PSMF1: variants seen among roughly 807,000 people sequenced by gnomAD.
PSMF1 encodes the protein proteasome inhibitor PI31 subunit.
In PSMF1, 30 loss-of-function variants were observed where a neutral mutation model predicts 29.3. The observed-to-expected ratio is 1.02, with a 90% CI of 0.77 to 1.39. The LOEUF is 1.39. PSMF1 is among the 40% of genes most tolerant of loss of function. PSMF1 has a pLI of 0.00. For missense variants in PSMF1, 344 were observed against 357.5 expected, an observed-to-expected ratio of 0.96 and a Z score of 0.31; for synonymous variants, 134 against 139.7, an observed-to-expected ratio of 0.96 and a Z score of 0.29.
intron 4 of PSMF1, among the ~76,000 whole-genome samples, chr20:1,154,265 T>G (rs1197598047): frequency 6.6e-6 from 1 of 152,248 alleles, no homozygotes; most frequent in East Asian, 1.9e-4. Context: ...CTTTACAATT[T>G]TTAGCATAAT....
At chr20:1,115,857 C>T (rs1600133166), upstream of PSMF1, among the ~76,000 whole-genome samples, 2 of 151,846 alleles carry the variant, frequency 1.3e-5, no homozygotes, top group Non-Finnish European at 2.9e-5. Flanking sequence ...CTCAGCCTCC[C>T]GAATAGCTGG....
rs1377868918 is a variant in PSMF1, at chr20:1,164,592, C to G, written c.764+116C>G. The G allele has an allele frequency of 2.1e-6, 3 of 1,398,734 alleles. No individual in the cohort carries two copies. Among genetic ancestry groups the G allele is most frequent in the Non-Finnish European group, 2.9e-6 (3 of 1,021,304 alleles). The allele number at this position is 1,398,734 out of a possible 1,614,324, so 86.6% of individuals were successfully genotyped here. ...GAGCTGCCGCTGCCTTCACCTGTTG[C>G]TGCCAGGAGAGTGGAGCCTCCTCCA... On this transcript the variant is annotated intron_variant, in intron 6 of 6. Transcript: ENST00000335877. The surrounding 1 kb of genome is among the most constrained non-coding windows in gnomAD (Gnocchi z 4.1).
intron 2 of PSMF1, chr20:1,125,940 C>A (rs768987745): frequency 1.8e-6 from 1 of 549,518 alleles, no homozygotes; most frequent in Admixed American, 2.1e-5. Context: ...TTAGGTAACC[C>A]CAATGGGCTA....
intron 4 of PSMF1, among the ~76,000 whole-genome samples, chr20:1,149,429 A>C (rs2086497809): frequency 6.6e-6 from 1 of 152,230 alleles, no homozygotes; most frequent in African/African-American, 2.4e-5. Context: ...ATTCACTGAG[A>C]TATGCAGATC....
rs1463430706 is a variant in PSMF1, at chr20:1,163,165, A to G, written c.587A>G (p.Glu196Gly). ...DPLGPFVVGG[E>G]DLDPFGPRRG... ...CTGGGCCCGTTTGTTGTCGGGGGAG[A>G]AGACTTAGACCCTTTTGGGTGAGTA... Residue 196 changes from glutamate (E) to glycine (G), a missense_variant, in exon 5 of 7, where the codon GAA becomes GGA. Physicochemically the swap from Glu to Gly is moderately conservative, Grantham distance 98. Transcript: ENST00000335877. The surrounding 1 kb of genome is among the most constrained non-coding windows in gnomAD (Gnocchi z 6.1). The G allele has an allele frequency of 1.9e-6, 3 of 1,613,998 alleles. No individual in the cohort carries two copies. Among genetic ancestry groups the G allele is most frequent in the Non-Finnish European group, 2.5e-6 (3 of 1,180,000 alleles).
intron 4 of PSMF1, chr20:1,161,027 A>G (rs889538497): frequency 1.1e-4 from 43 of 390,834 alleles, no homozygotes; most frequent in African/African-American, 8.8e-4. Flanking sequence ...CACCACTGGC[A>G]TTGTCATGGA....
intron 3 of PSMF1, among the ~76,000 whole-genome samples, chr20:1,128,084 T>C (rs1448244593): frequency 2.0e-5 from 3 of 152,212 alleles, no homozygotes; most frequent in African/African-American, 4.8e-5. Context: ...CAGATGAGAA[T>C]GTGTGTCTAT....
chr20:1,144,949 G>A (rs1274729237), intron 4 of PSMF1, among the ~76,000 whole-genome samples: 4 of 151,918 alleles, frequency 2.6e-5, no homozygotes, highest in Non-Finnish European at 4.4e-5. Flanking sequence ...GCAGTGGTGC[G>A]ATCTCGGCTC....
intron 6 of PSMF1, 21 bp from the exon 7 acceptor site, chr20:1,165,008 C>A: frequency 2.5e-6 from 4 of 1,598,462 alleles, no homozygotes; most frequent in Middle Eastern, 1.7e-4. Flanking sequence ...TCCAACTCAT[C>A]AGCCCCTCTT....
chr20:1,146,135 TA>T (rs2086446293), intron 4 of PSMF1, among the ~76,000 whole-genome samples: 1 of 152,172 alleles, frequency 6.6e-6, no homozygotes, highest in Non-Finnish European at 1.5e-5. Flanking sequence ...GTTAGAGAGA[TA>T]ATTGCTGTTA....
intron 4 of PSMF1, chr20:1,160,825 G>T: frequency 2.2e-6 from 1 of 460,074 alleles, no homozygotes. Context: ...AGCTGGGAAG[G>T]CATGGAGAAG....
Position 1,163,193 on chromosome 20 carries a change from G to A in PSMF1, c.605+10G>A. The A allele has an allele frequency of 6.2e-7, 1 of 1,613,992 alleles. No homozygotes were observed. Among genetic ancestry groups the A allele is most frequent in the South Asian group, 1.1e-5 (1 of 91,070 alleles). On this transcript the variant is annotated intron_variant, in intron 5 of 6. Transcript: ENST00000335877. The surrounding 1 kb of genome is among the most constrained non-coding windows in gnomAD (Gnocchi z 6.1). ...ACTTAGACCCTTTTGGGTGAGTACT[G>A]CTGGGGAGGTGGCAGCAACACAACT... is the stretch of plus-strand genomic sequence containing the variant.
At chr20:1,159,011 G>C (rs1184131055) in intron 4 of PSMF1, among the ~76,000 whole-genome samples, 1 of 151,210 alleles carries the variant, frequency 6.6e-6, no homozygotes, top group African/African-American at 2.4e-5. Flanking sequence ...AGCTGAGATT[G>C]TGCCACTGTA....
In PSMF1 at chr20:1,164,486, C is replaced by T; in HGVS notation, c.764+10C>T. 2 of 1,613,972 alleles carry T rather than the reference C, an allele frequency of 1.2e-6. No homozygotes were observed. The highest frequency in any genetic ancestry group is 1.7e-4 in the Middle Eastern group (1 of 6,052). On this transcript the variant is annotated intron_variant, in intron 6 of 6. Coordinates refer to ENST00000335877, the MANE Select transcript of PSMF1 (RefSeq NM_006814.5). The surrounding 1 kb of genome is among the most constrained non-coding windows in gnomAD (Gnocchi z 4.1). ...GGACCAGCCCACCCGGGTACGTAGTCACTCAGGTATGCTGAGAAGTAGGAC... is the reference window on the plus strand; with the variant it reads ...GGACCAGCCCACCCGGGTACGTAGTTACTCAGGTATGCTGAGAAGTAGGAC...
chr20:1,136,445 G>A (rs2086307742), intron 4 of PSMF1, among the ~76,000 whole-genome samples: 1 of 152,172 alleles, frequency 6.6e-6, no homozygotes, highest in African/African-American at 2.4e-5. Flanking sequence ...TAGACCTAAA[G>A]TAAATAGTAA....
intron 4 of PSMF1, chr20:1,161,600 T>C: frequency 1.5e-6 from 1 of 656,984 alleles, no homozygotes; most frequent in Non-Finnish European, 2.8e-6. Flanking sequence ...GATCAGCAGC[T>C]CCATCCTGGC....
chr20:1,119,720 CTTCT>C (rs1165311002), intron 1 of PSMF1, among the ~76,000 whole-genome samples: 1 of 152,172 alleles, frequency 6.6e-6, no homozygotes, highest in Non-Finnish European at 1.5e-5. Flanking sequence ...CTCTGGCATT[CTTCT>C]TTCTTTCCTG....
rs1422581766 is a variant in PSMF1 at position 1,163,109 on chromosome 20, A to C, written c.552-21A>C. 5.0e-6 allele frequency: 8 copies of C among 1,613,646 alleles called. No individual in the cohort carries two copies. Among genetic ancestry groups the C allele is most frequent in the Non-Finnish European group, 6.8e-6 (8 of 1,179,840 alleles). On this transcript the variant is annotated intron_variant, in intron 4 of 6. Transcript: ENST00000335877. The surrounding 1 kb of genome is among the most constrained non-coding windows in gnomAD (Gnocchi z 6.1). ...CCTGGCTGCTCTGGGACTTGCAGTA[A>C]TTGTCTCTTGTTTGTTTCAGGTGTG...
intron 4 of PSMF1, among the ~76,000 whole-genome samples, chr20:1,153,080 T>G (rs145308254): frequency 2.0e-5 from 3 of 152,212 alleles, no homozygotes; most frequent in African/African-American, 7.2e-5. Context: ...TCCCTATCCT[T>G]ACCAATGCTG....
Sources: allele counts gnomAD v4.1 joint callset (sites outside exome capture counted in the v4.1 genomes callset), GRCh38; gene constraint gnomAD v4.1.1; non-coding constraint Gnocchi (gnomAD v3.1); transcripts MANE v1.5; gene names NCBI Gene and HGNC (gene_info 2026-07-23, HGNC 2026-07-21).